KIF13A: variants seen among roughly 807,000 people sequenced by gnomAD.
The protein encoded by KIF13A is kinesin-like protein KIF13A.
A neutral mutation model predicts 212.2 loss-of-function variants in KIF13A; 79 were observed. The observed-to-expected ratio is 0.37, with a 90% CI of 0.31 to 0.45. KIF13A has a LOEUF of 0.45. KIF13A is among the 20% of genes least tolerant of loss of function. The probability of loss-of-function intolerance (pLI) is 1.00; values close to 1 mark genes in which losing one functional copy is unlikely to be tolerated. For synonymous variants in KIF13A, 789 were observed against 808.6 expected, an observed-to-expected ratio of 0.98 and a Z score of 0.41; for missense variants, 1,901 against 2,209.0, an observed-to-expected ratio of 0.86 and a Z score of 2.79.
intron 9 of KIF13A, among the ~76,000 whole-genome samples, chr6:17,844,616 G>A (rs1480620997): frequency 6.6e-6 from 1 of 152,214 alleles, no homozygotes; most frequent in Non-Finnish European, 1.5e-5. Context: ...AGGAACTAAT[G>A]TTAGACAAAA....
rs776771321 is a variant in KIF13A at position 17,898,189 on chromosome 6, T to C, written c.147-9A>G. 4.2e-5 allele frequency: 67 copies of C among 1,609,862 alleles called. No homozygotes were observed. The highest frequency in any genetic ancestry group is 5.3e-5 in the Non-Finnish European group (63 of 1,178,406). ...TTACCTTGGGAGGTTTCCTTAATGATGGGAAAAAAAAAATTCAGCAGCAGG... is the reference window on the plus strand; with the variant it reads ...TTACCTTGGGAGGTTTCCTTAATGACGGGAAAAAAAAAATTCAGCAGCAGG... On this transcript the variant is annotated splice_polypyrimidine_tract_variant and intron_variant, in intron 2 of 38. Transcript: ENST00000259711. This position sits in a 1 kb window ranked among gnomAD's most constrained non-coding sequence, Gnocchi z 5.2.
chr6:17,892,638 G>A lies in KIF13A; in HGVS notation c.159+5530C>T, dbSNP rs1342801283. The stretch of plus-strand genomic sequence containing the variant: ...ATTTAGCCCAATTCTTGACTTCTGG[G>A]AGGGGAGAGACACTAGAGACTGAGT... On this transcript the variant is annotated intron_variant, in intron 3 of 38. Transcript: ENST00000259711. This position sits in a 1 kb window ranked among gnomAD's most constrained non-coding sequence, Gnocchi z 4.7. Among the ~76,000 whole-genome samples the A allele has an allele frequency of 6.6e-6, 1 of 152,206 alleles. No individual in the cohort carries two copies. The highest frequency in any genetic ancestry group is 1.5e-5 in the Non-Finnish European group (1 of 68,028).
intron 3 of KIF13A, among the ~76,000 whole-genome samples, chr6:17,875,955 C>T (rs1581606063): frequency 6.6e-6 from 1 of 152,126 alleles, no homozygotes; most frequent in South Asian, 2.1e-4. Context: ...ATATTAAAGG[C>T]TCTAAAAAGT....
At chr6:17,955,031 T>C (rs1411277368) in intron 2 of KIF13A, among the ~76,000 whole-genome samples, 2 of 152,140 alleles carry the variant, frequency 1.3e-5, no homozygotes, top group Non-Finnish European at 2.9e-5. Flanking sequence ...CAAAAAATGC[T>C]GGTGCCCAGG....
chr6:17,760,998 C>T (rs190288821), downstream of KIF13A: 78 of 927,994 alleles, frequency 8.4e-5, 1 homozygote, highest in South Asian at 7.5e-4. Context: ...TGAAGGGACC[C>T]ACAGGATTGG....
At chr6:17,798,254 T>C (rs1320270203) in intron 22 of KIF13A, among the ~76,000 whole-genome samples, 3 of 152,056 alleles carry the variant, frequency 2.0e-5, no homozygotes, top group Admixed American at 6.6e-5. Flanking sequence ...AACTCCAAGA[T>C]CATAAGAACC....
At chr6:17,779,537 G>C (rs908181617) in intron 32 of KIF13A, 55 bp downstream of exon 32, 12 of 769,008 alleles carry the variant, frequency 1.6e-5, no homozygotes, top group Non-Finnish European at 2.6e-5. Context: ...CTCTCAAAGT[G>C]CTGGGATTAC....
At chr6:17,808,165 C>T (rs529823717) in intron 18 of KIF13A, among the ~76,000 whole-genome samples, 6 of 152,294 alleles carry the variant, frequency 3.9e-5, no homozygotes, top group Middle Eastern at 6.8e-3. Context: ...GCGTGCAGAA[C>T]ATCTGAACCC....
At chr6:17,936,129 C>T (rs1581781397) in intron 2 of KIF13A, among the ~76,000 whole-genome samples, 1 of 152,022 alleles carries the variant, frequency 6.6e-6, no homozygotes, top group East Asian at 1.9e-4. Flanking sequence ...GAGGGCTGAG[C>T]CTCTCTTCAT....
In KIF13A at chr6:17,829,755, T is replaced by G. The variant is rs1765275228; in HGVS notation, c.1401+1346A>C. Among the ~76,000 whole-genome samples the G allele has an allele frequency of 5.3e-5, 8 of 152,148 alleles. No homozygotes were observed. The South Asian group carries it at 1.4e-3, about 28-fold the overall frequency. ...ACTCATTGCCTAAATGAACAGATCT[T>G]AAGTTTGTTGGGGGACTCTCAATAA... On this transcript the variant is annotated intron_variant, in intron 13 of 38. Transcript: ENST00000259711. The surrounding 1 kb of genome is among the most constrained non-coding windows in gnomAD (Gnocchi z 5.4).
At chr6:17,907,802 G>T (rs545390565) in intron 2 of KIF13A, among the ~76,000 whole-genome samples, 1 of 152,294 alleles carries the variant, frequency 6.6e-6, no homozygotes, top group Non-Finnish European at 1.5e-5. Flanking sequence ...ACAGCTGGAA[G>T]AATAGACAAG....
chr6:17,832,751 C>T (rs10949459), intron 12 of KIF13A, among the ~76,000 whole-genome samples: 36,669 of 151,824 alleles, frequency 0.24, 4,859 homozygotes, highest in Admixed American at 0.34. Flanking sequence ...GTGGCTCACA[C>T]TTGTAATCCT....
chr6:17,976,083 T>C (rs1027688745), intron 2 of KIF13A, among the ~76,000 whole-genome samples: 15 of 152,178 alleles, frequency 9.9e-5, no homozygotes, highest in Non-Finnish European at 1.9e-4. Context: ...GAGCTAGACA[T>C]AAAGCTTCTC....
intron 2 of KIF13A, among the ~76,000 whole-genome samples, chr6:17,942,023 T>C (rs921005495): frequency 6.6e-6 from 1 of 152,066 alleles, no homozygotes; most frequent in African/African-American, 2.4e-5. Context: ...ATATTTCTGC[T>C]GGGTGTGGTG....
intron 2 of KIF13A, among the ~76,000 whole-genome samples, chr6:17,948,534 C>T (rs892788392): frequency 6.1e-5 from 9 of 147,932 alleles, no homozygotes; most frequent in Non-Finnish European, 1.0e-4. Flanking sequence ...AAATTTGACA[C>T]AGTACCACAT....
chr6:17,849,593 A>G lies in KIF13A; in HGVS notation c.718-104T>C. On this transcript the variant is annotated intron_variant, in intron 8 of 38. Coordinates refer to ENST00000259711, the MANE Select transcript of KIF13A (RefSeq NM_022113.6). This position sits in a 1 kb window ranked among gnomAD's most constrained non-coding sequence, Gnocchi z 5.7. Reference sequence around the variant, plus strand: ...TAATTGAGCAATCCATCCCACTCTCATATGGCAAATTTCTTAAGTTTTTAA... The same window carrying G: ...TAATTGAGCAATCCATCCCACTCTCGTATGGCAAATTTCTTAAGTTTTTAA... The G allele has an allele frequency of 1.5e-6, 1 of 676,432 alleles. No homozygotes were observed. The highest frequency in any genetic ancestry group is 2.4e-6 in the Non-Finnish European group (1 of 411,802). 41.9% of individuals were successfully genotyped at this position (676,432 alleles called of 1,614,324 possible). A position where few individuals can be genotyped will look rare whatever the true frequency, so the allele number is the denominator to read the frequency against.
downstream of KIF13A, chr6:17,760,761 C>T (rs572807998): frequency 7.6e-5 from 97 of 1,282,392 alleles, no homozygotes; most frequent in Admixed American, 6.5e-4. Flanking sequence ...TCCAGCCAGG[C>T]GGCAGCATGT....
At chr6:17,965,309 C>A (rs1259757199) in intron 2 of KIF13A, among the ~76,000 whole-genome samples, 3 of 146,344 alleles carry the variant, frequency 2.0e-5, no homozygotes, top group African/African-American at 7.9e-5. Context: ...AGTGTTGTTT[C>A]CATACAACCA....
rs1386614184 is a variant in KIF13A, at chr6:17,897,546, C to A, written c.159+622G>T. On this transcript the variant is annotated intron_variant, in intron 3 of 38. Transcript: ENST00000259711. This position sits in a 1 kb window ranked among gnomAD's most constrained non-coding sequence, Gnocchi z 4.8. ...TATTCTCTAACTTCTGGCCTTCTCA[C>A]TGGTAAAAATGCCATCAAAGGTTGG... is the stretch of plus-strand genomic sequence containing the variant. 1.3e-5 allele frequency among the ~76,000 whole-genome samples: 2 copies of A among 152,176 alleles called. No homozygotes were observed. The highest frequency in any genetic ancestry group is 4.8e-5 in the African/African-American group (2 of 41,432).
Sources: allele counts gnomAD v4.1 joint callset (sites outside exome capture counted in the v4.1 genomes callset), GRCh38; gene constraint gnomAD v4.1.1; non-coding constraint Gnocchi (gnomAD v3.1); transcripts MANE v1.5; gene names NCBI Gene and HGNC (gene_info 2026-07-23, HGNC 2026-07-21).